The following DIS3L2 variants were observed in gnomAD, a reference collection of about 807,000 sequenced individuals.
DIS3L2 encodes the protein DIS3-like exonuclease 2.
In DIS3L2, 34 loss-of-function variants were observed where a neutral mutation model predicts 97.5. The ratio of observed to expected loss-of-function variants is 0.35; its 90% confidence interval spans 0.27 to 0.46. DIS3L2 has a LOEUF of 0.46. DIS3L2 is among the 20% of genes least tolerant of loss of function. DIS3L2 has a pLI of 1.00. For missense variants in DIS3L2, 1,038 were observed against 1,146.0 expected (o/e 0.91, Z 1.36); for synonymous variants, 435 against 445.2 (o/e 0.98, Z 0.29).
chr2:232,127,078 G>GT (rs1444021177), intron 6 of DIS3L2, among the ~76,000 whole-genome samples: 1 of 152,230 alleles, frequency 6.6e-6, no homozygotes, highest in Non-Finnish European at 1.5e-5. Context: ...CACTGGAAGA[G>GT]TTTCATGGAT....
intron 6 of DIS3L2, among the ~76,000 whole-genome samples, chr2:232,123,447 A>G (rs1697965933): frequency 6.6e-6 from 1 of 152,132 alleles, no homozygotes; most frequent in Non-Finnish European, 1.5e-5. Flanking sequence ...AACATTGGGT[A>G]TTATTGTAAT....
At chr2:232,175,952 C>T (rs768909132) in intron 9 of DIS3L2, among the ~76,000 whole-genome samples, 13 of 152,008 alleles carry the variant, frequency 8.6e-5, no homozygotes, top group African/African-American at 1.2e-4. Context: ...TGCAGTGGTG[C>T]GATTTCAACT....
At chr2:232,248,758 G>A (rs527406362) in intron 11 of DIS3L2, among the ~76,000 whole-genome samples, 2 of 152,150 alleles carry the variant, frequency 1.3e-5, no homozygotes, top group Non-Finnish European at 2.9e-5. Context: ...GTCTCTTAAT[G>A]TTCCAACATG....
chr2:232,148,729 T>C (rs997197465), intron 8 of DIS3L2, among the ~76,000 whole-genome samples: 176 of 150,000 alleles, frequency 1.2e-3, no homozygotes, highest in African/African-American at 4.2e-3. Flanking sequence ...AAAAATTTTT[T>C]TTCTCCTTAA....
At chr2:232,174,110 T>G (rs963525618) in intron 9 of DIS3L2, among the ~76,000 whole-genome samples, 3 of 152,234 alleles carry the variant, frequency 2.0e-5, no homozygotes, top group African/African-American at 7.2e-5. Context: ...TTTCTTTCAA[T>G]GATGTTTTGT....
chr2:232,015,229 A>G (rs995066198), intron 2 of DIS3L2, among the ~76,000 whole-genome samples: 4 of 152,244 alleles, frequency 2.6e-5, no homozygotes, highest in African/African-American at 7.2e-5. Flanking sequence ...TCTATTTTCA[A>G]AAAGTCTGTG....
rs148381391 is a variant in DIS3L2, at chr2:232,047,718, ACT to A, written c.366+17643_366+17644del. On this transcript the variant is annotated intron_variant, in intron 5 of 20. Coordinates refer to ENST00000325385, the MANE Select transcript of DIS3L2 (RefSeq NM_152383.5). ...TCCCTGTGCCCATTAAGCAGTAGTC[ACT>A]CTCTGTTCCCCTTCTTCCCAGATGC... 1.2e-3 allele frequency among the ~76,000 whole-genome samples: 182 copies of A among 152,164 alleles called. 1 individual carries two copies. The highest frequency in any genetic ancestry group is 4.2e-3 in the African/African-American group (176 of 41,504).
intron 6 of DIS3L2, among the ~76,000 whole-genome samples, chr2:232,120,131 A>G (rs1396971291): frequency 6.6e-6 from 1 of 152,126 alleles, no homozygotes; most frequent in African/African-American, 2.4e-5. Context: ...GGACCTCATT[A>G]TGCTTATGTT....
chr2:232,050,332 C>T (rs566371191), intron 5 of DIS3L2, among the ~76,000 whole-genome samples: 3 of 152,196 alleles, frequency 2.0e-5, no homozygotes, highest in East Asian at 3.9e-4. Flanking sequence ...AGTGCAATGG[C>T]GTGATTTTGG....
intron 1 of DIS3L2, among the ~76,000 whole-genome samples, chr2:231,992,985 G>A (rs997101029): frequency 1.2e-4 from 18 of 151,840 alleles, no homozygotes; most frequent in African/African-American, 2.2e-4. Context: ...TAGGCTGATC[G>A]CATCTGTGTT....
At chr2:232,298,412 G>A (rs1387635989) in intron 13 of DIS3L2, among the ~76,000 whole-genome samples, 5 of 152,204 alleles carry the variant, frequency 3.3e-5, no homozygotes, top group African/African-American at 1.2e-4. Flanking sequence ...AAAGAGAAAA[G>A]GGTTGTAACT....
At chr2:232,312,984 CAA>C (rs1695175658) in intron 14 of DIS3L2, among the ~76,000 whole-genome samples, 1 of 151,960 alleles carries the variant, frequency 6.6e-6, no homozygotes, top group Non-Finnish European at 1.5e-5. Context: ...TTTTTCATAA[CAA>C]TATTTCAGTT....
rs1250815179 is a variant in DIS3L2 at position 232,292,836 on chromosome 2, CTTG to C, written c.1660-7197_1660-7195del. The stretch of plus-strand genomic sequence containing the variant: ...TGCTGGTGGAAGCTGACAGAGCAAC[CTTG>C]TTGTTGCCTCTTGGGTCCTTCACTT... On this transcript the variant is annotated intron_variant, in intron 13 of 20. Coordinates refer to ENST00000325385, the MANE Select transcript of DIS3L2 (RefSeq NM_152383.5). This position sits in a 1 kb window ranked among gnomAD's most constrained non-coding sequence, Gnocchi z 4.4. Among the ~76,000 whole-genome samples, 1 of 152,182 alleles carries C rather than the reference CTTG, an allele frequency of 6.6e-6. No homozygotes were observed. Among genetic ancestry groups the C allele is most frequent in the African/African-American group, 2.4e-5 (1 of 41,442 alleles).
At chr2:232,032,970 A>G (rs183483055) in intron 5 of DIS3L2, among the ~76,000 whole-genome samples, 1 of 152,172 alleles carries the variant, frequency 6.6e-6, no homozygotes, top group East Asian at 1.9e-4. Flanking sequence ...TCTTGGCTAT[A>G]TGGGCTCTTT....
chr2:232,096,252 A>G (rs959638328), intron 6 of DIS3L2, among the ~76,000 whole-genome samples: 2 of 151,446 alleles, frequency 1.3e-5, no homozygotes, highest in African/African-American at 4.8e-5. Context: ...ACGCTCGGCT[A>G]ATTTTTTGTA....
intron 5 of DIS3L2, among the ~76,000 whole-genome samples, chr2:232,069,980 A>G (rs1385140978): frequency 2.0e-5 from 3 of 152,252 alleles, no homozygotes; most frequent in Non-Finnish European, 4.4e-5. Flanking sequence ...CTAGTAGCTA[A>G]TAGAGGCAGT....
At chr2:232,086,262 T>C (rs1361438952) in intron 5 of DIS3L2, among the ~76,000 whole-genome samples, 2 of 151,088 alleles carry the variant, frequency 1.3e-5, no homozygotes, top group African/African-American at 4.9e-5. Flanking sequence ...TATAGACGTG[T>C]ATACGTGTAT....
chr2:232,071,384 T>C (rs1217555017), intron 5 of DIS3L2, among the ~76,000 whole-genome samples: 1 of 151,978 alleles, frequency 6.6e-6, no homozygotes, highest in African/African-American at 2.4e-5. Flanking sequence ...TAGCCAGGCA[T>C]GTTGGTGTAT....
At chr2:232,065,381 T>C (rs1695826720) in intron 5 of DIS3L2, among the ~76,000 whole-genome samples, 1 of 152,064 alleles carries the variant, frequency 6.6e-6, no homozygotes, top group Admixed American at 6.5e-5. Context: ...CATTTCAAGT[T>C]AATTTTTATA....
Sources: gnomAD v4.1 joint callset for allele counts (sites outside exome capture counted in the v4.1 genomes callset) on GRCh38, gnomAD v4.1.1 for gene constraint, Gnocchi (gnomAD v3.1) non-coding constraint, MANE v1.5 for transcripts, NCBI Gene and HGNC (gene_info 2026-07-23, HGNC 2026-07-21) for gene names.